Variants in NECTIN3 observed in about 807,000 individuals in gnomAD.
The protein encoded by NECTIN3 is nectin cell adhesion molecule 3, also known as nectin-3.
NECTIN3 carries 8 observed loss-of-function variants against 49.4 expected under a neutral mutation model. That is an observed-to-expected ratio of 0.16 (90% CI 0.10 to 0.29). The LOEUF is 0.29. Ranked by LOEUF, NECTIN3 falls within the 10% of genes least tolerant of loss-of-function variation. The pLI is 1.00. For synonymous variants in NECTIN3, 277 were observed against 241.1 expected (o/e 1.15, Z -1.38); for missense variants, 581 against 654.6 (o/e 0.89, Z 1.23).
intron 3 of NECTIN3, among the ~76,000 whole-genome samples, chr3:111,121,792 T>C (rs2033966398): frequency 6.6e-6 from 1 of 152,240 alleles, no homozygotes; most frequent in South Asian, 2.1e-4. Context: ...GCTTTGTTCC[T>C]GTATCTCTAC....
intron 1 of NECTIN3, among the ~76,000 whole-genome samples, chr3:111,101,647 T>C (rs949070253): frequency 3.9e-5 from 6 of 152,184 alleles, no homozygotes; most frequent in African/African-American, 1.4e-4. Flanking sequence ...AGCTATACTG[T>C]TCAGTATGAT....
chr3:111,135,355 G>A lies in NECTIN3; in HGVS notation c.*1140G>A, dbSNP rs1420307139. ...TGTATGTATGTGTTTTAAGATTTCT[G>A]TTTTTACGATTAAAACTGGAAACAT... is the stretch of plus-strand genomic sequence containing the variant. On this transcript the variant is annotated 3_prime_UTR_variant, in exon 6 of 6. Transcript: ENST00000485303. 1.1e-6 allele frequency: 1 copy of A among 939,894 alleles called. No individual in the cohort carries two copies. The highest frequency in any genetic ancestry group is 1.3e-6 in the Non-Finnish European group (1 of 788,958). 58.2% of individuals were successfully genotyped at this position (939,894 alleles called of 1,614,324 possible).
chr3:111,146,633 A>G (rs926982238), intron 6 of NECTIN3, among the ~76,000 whole-genome samples: 2 of 152,174 alleles, frequency 1.3e-5, no homozygotes, highest in Admixed American at 6.5e-5. Flanking sequence ...AGAATTTATT[A>G]CTTCAGGATC....
rs1236276788 is a variant in NECTIN3, at chr3:111,133,836, G to T, written c.1271G>T (p.Gly424Val). The change falls in exon 6 of 6, where the codon GGA (glycine) becomes GTA (valine). Residue 424 changes from glycine (G) to valine (V), a missense_variant. Transcript: ENST00000485303. ...LFIVLVSVLAGIFCYRRRRTF... is the reference protein window; with the variant it reads ...LFIVLVSVLAVIFCYRRRRTF... ...ATAGTACTTGTAAGTGTTTTGGCTG[G>T]AATATTCTGCTATAGGAGAAGACGG... 6.2e-7 allele frequency: 1 copy of T among 1,613,806 alleles called. No homozygotes were observed. The highest frequency in any genetic ancestry group is 8.5e-7 in the Non-Finnish European group (1 of 1,179,892).
At chr3:111,091,811 A>G (rs1381742077) in intron 1 of NECTIN3, among the ~76,000 whole-genome samples, 1 of 152,112 alleles carries the variant, frequency 6.6e-6, no homozygotes, top group Non-Finnish European at 1.5e-5. Context: ...TCACTTGGGT[A>G]TTTACCTGCA....
At chr3:111,180,511 G>A (rs573589290) in intron 7 of NECTIN3, among the ~76,000 whole-genome samples, 82 of 152,070 alleles carry the variant, frequency 5.4e-4, no homozygotes, top group African/African-American at 1.9e-3. Context: ...AAACAAAGTC[G>A]ACCTCTCTCA....
intron 7 of NECTIN3, among the ~76,000 whole-genome samples, chr3:111,156,356 A>T (rs1321200656): frequency 1.3e-5 from 2 of 151,096 alleles, no homozygotes; most frequent in African/African-American, 4.9e-5. Context: ...GTTTGAAGAC[A>T]TGTTAGAATG....
At chr3:111,088,726 T>C (rs2032080657) in intron 1 of NECTIN3, among the ~76,000 whole-genome samples, 1 of 152,178 alleles carries the variant, frequency 6.6e-6, no homozygotes, top group East Asian at 1.9e-4. Flanking sequence ...TATCACTGGA[T>C]TCTATTTGCT....
rs1294332685 is a variant in NECTIN3, at chr3:111,163,539, A to G, written c.1221+16055A>G. Among the ~76,000 whole-genome samples the G allele has an allele frequency of 9.8e-5, 15 of 152,296 alleles. No homozygotes were observed. In the East Asian group the frequency reaches 2.9e-3, roughly 29 times the overall value. ...TTGAAACATGAAAATAAAAAACTAA[A>G]ATGCTGGGTAAATATCAATAGAGGT... On this transcript the variant is annotated intron_variant, in intron 7 of 8. Transcript: ENST00000493615.
chr3:111,190,403 G>A (rs1312894233), upstream of NECTIN3, among the ~76,000 whole-genome samples: 1 of 152,184 alleles, frequency 6.6e-6, no homozygotes, highest in Admixed American at 6.5e-5. Flanking sequence ...CCCACATTAA[G>A]GTAGAGGGAT....
chr3:111,169,661 G>T (rs1190331561), intron 7 of NECTIN3, among the ~76,000 whole-genome samples: 2 of 152,024 alleles, frequency 1.3e-5, no homozygotes, highest in Admixed American at 6.6e-5. Flanking sequence ...ACACTCAGCG[G>T]CAAGTACATT....
intron 7 of NECTIN3, among the ~76,000 whole-genome samples, chr3:111,180,519 T>C (rs1404123187): frequency 3.3e-5 from 5 of 152,106 alleles, no homozygotes; most frequent in Non-Finnish European, 7.3e-5. Flanking sequence ...TCGACCTCTC[T>C]CATAACTATT....
chr3:111,156,565 T>G (rs1276314857), intron 7 of NECTIN3, among the ~76,000 whole-genome samples: 2 of 151,700 alleles, frequency 1.3e-5, no homozygotes, highest in East Asian at 3.8e-4. Flanking sequence ...AGGATTTGTT[T>G]CGGGCAAAGT....
rs34318879 is a variant in NECTIN3, at chr3:111,129,653, A to AT, written c.1069+3332dup. On this transcript the variant is annotated intron_variant, in intron 5 of 5. Coordinates refer to ENST00000485303, the MANE Select transcript of NECTIN3 (RefSeq NM_015480.3). ...CGAAGAAGTGGCGTTATATGAGATA[A>AT]TTTTTTTTTTTTTTGGAGACAGTCT... Among the ~76,000 whole-genome samples, 289 of 145,514 alleles carry AT rather than the reference A, an allele frequency of 2.0e-3. 1 individual carries two copies. The highest frequency in any genetic ancestry group is 3.6e-3 in the Middle Eastern group (1 of 280).
intron 5 of NECTIN3, among the ~76,000 whole-genome samples, chr3:111,126,961 C>G (rs570472548): frequency 6.6e-6 from 1 of 152,082 alleles, no homozygotes; most frequent in South Asian, 2.1e-4. Context: ...TTTTGGCATT[C>G]GTAAAATAGA....
chr3:111,133,937 C>A lies in NECTIN3; in HGVS notation c.1372C>A (p.Leu458Ile). 1 of 1,613,758 alleles carries A rather than the reference C, an allele frequency of 6.2e-7. No homozygotes were observed. The highest frequency in any genetic ancestry group is 8.5e-7 in the Non-Finnish European group (1 of 1,179,840). Reference protein sequence around the residue: ...DMQKESQIDVLQQDELDSYPD... With the variant: ...DMQKESQIDVIQQDELDSYPD... ...GCAAAAAGAATCACAAATAGATGTT[C>A]TTCAACAAGATGAGCTTGATTCTTA... Residue 458 changes from leucine (L) to isoleucine (I), a missense_variant, in exon 6 of 6, where the codon CTT becomes ATT. Around this residue, in one of 3 missense-constraint regions of NECTIN3, gnomAD observed 238 missense variants for 244.9 expected, o/e 0.97. Coordinates refer to ENST00000485303, the MANE Select transcript of NECTIN3 (RefSeq NM_015480.3).
intron 6 of NECTIN3, among the ~76,000 whole-genome samples, chr3:111,146,817 A>G (rs1399087715): frequency 5.3e-5 from 8 of 152,190 alleles, no homozygotes; most frequent in Non-Finnish European, 1.2e-4. Context: ...AGTAAACTAT[A>G]TTTAAAATAT....
chr3:111,193,482 TC>T, intron 1 of NECTIN3: 1 of 1,272,742 alleles, frequency 7.9e-7, no homozygotes, highest in Non-Finnish European at 1.1e-6. Flanking sequence ...ATAAGAACAG[TC>T]CCACTCTAAG....
intron 7 of NECTIN3, among the ~76,000 whole-genome samples, chr3:111,185,571 G>A (rs917517991): frequency 1.3e-5 from 2 of 152,150 alleles, no homozygotes; most frequent in African/African-American, 4.8e-5. Context: ...TCAATCAAAT[G>A]AAACTTTTAC....
Sources: allele counts gnomAD v4.1 joint callset (sites outside exome capture counted in the v4.1 genomes callset), GRCh38; gene constraint gnomAD v4.1.1; regional missense constraint gnomAD v4.1.1; transcripts MANE v1.5; gene names NCBI Gene and HGNC (gene_info 2026-07-23, HGNC 2026-07-21).